PPP3R1: variants seen among roughly 807,000 people sequenced by gnomAD.
PPP3R1 encodes the protein protein phosphatase 3 regulatory subunit B, alpha, also known as calcineurin subunit B type 1.
PPP3R1 carries 5 observed loss-of-function variants against 22.6 expected under a neutral mutation model. The observed-to-expected ratio is 0.22, with a 90% confidence interval of 0.12 to 0.46. The LOEUF (loss-of-function observed/expected upper bound fraction) is 0.46. PPP3R1 is among the 20% of genes least tolerant of loss of function. The pLI, the probability that PPP3R1 is intolerant of heterozygous loss-of-function variation, is 0.99. For missense variants in PPP3R1, 61 were observed against 203.2 expected, an observed-to-expected ratio of 0.30 and a Z score of 4.25; for synonymous variants, 56 against 65.2, an observed-to-expected ratio of 0.86 and a Z score of 0.68.
intron 1 of PPP3R1, among the ~76,000 whole-genome samples, chr2:68,229,945 T>C (rs1448927400): frequency 6.8e-6 from 1 of 146,384 alleles, no homozygotes; most frequent in Non-Finnish European, 1.5e-5. Flanking sequence ...TATGTGTGTA[T>C]ATATGTGTGT....
intron 1 of PPP3R1, among the ~76,000 whole-genome samples, chr2:68,225,089 A>T (rs1669757067): frequency 1.3e-5 from 2 of 152,268 alleles, no homozygotes. Context: ...TGTGGTGAAC[A>T]GAATTCTTAG....
chr2:68,250,591 C>T (rs1670328663), intron 1 of PPP3R1, among the ~76,000 whole-genome samples: 1 of 152,194 alleles, frequency 6.6e-6, no homozygotes, highest in East Asian at 1.9e-4. Flanking sequence ...CTTCAAAAGA[C>T]TATGCCAACA....
rs11414850 is a variant in PPP3R1 at position 68,207,114 on chromosome 2, CA to C, written c.43+9977del. Among the ~76,000 whole-genome samples, 96 of 134,770 alleles carry C rather than the reference CA, an allele frequency of 7.1e-4. 1 individual carries two copies. The highest frequency in any genetic ancestry group is 1.4e-3 in the African/African-American group (49 of 34,736). The allele number at this position is 134,770 out of a possible 152,430, so 88.4% of individuals were successfully genotyped here. On this transcript the variant is annotated intron_variant, in intron 2 of 5. Transcript: ENST00000234310. The stretch of plus-strand genomic sequence containing the variant: ...AAAGAGGTTTTGGGAAAAAAAAAAG[CA>C]AAAAAAAAAAATTACTACAATGTGT...
intron 2 of PPP3R1, among the ~76,000 whole-genome samples, chr2:68,206,409 G>A (rs187335489): frequency 6.6e-6 from 1 of 152,142 alleles, no homozygotes; most frequent in African/African-American, 2.4e-5. Flanking sequence ...GCAGAGGTGA[G>A]GGGGGAGGCC....
At chr2:68,232,211 G>GTATTTA (rs1669925041) in intron 1 of PPP3R1, among the ~76,000 whole-genome samples, 4 of 10,994 alleles carry the variant, frequency 3.6e-4, no homozygotes, top group Non-Finnish European at 1.3e-4. Context: ...TATACATATT[G>GTATTTA]TATATGTATA....
At chr2:68,190,380 C>CGT (rs200150798) in intron 2 of PPP3R1, among the ~76,000 whole-genome samples, 2,467 of 151,540 alleles carry the variant, frequency 0.016, 70 homozygotes, top group African/African-American at 0.056. Flanking sequence ...GCCTGGCCAA[C>CGT]GTGGTGAAAC....
chr2:68,213,484 C>T (rs763990791), intron 2 of PPP3R1, among the ~76,000 whole-genome samples: 1 of 152,148 alleles, frequency 6.6e-6, no homozygotes, highest in Non-Finnish European at 1.5e-5. Flanking sequence ...CTTACATGGA[C>T]ACCGTTCATG....
intron 2 of PPP3R1, among the ~76,000 whole-genome samples, chr2:68,193,603 TCAAA>T (rs1444632675): frequency 6.6e-6 from 1 of 152,132 alleles, no homozygotes; most frequent in African/African-American, 2.4e-5. Context: ...ATTTTAGGTA[TCAAA>T]CAAAATGATT....
At chr2:68,251,566 G>A (rs1308038274) in intron 1 of PPP3R1, among the ~76,000 whole-genome samples, 1 of 152,230 alleles carries the variant, frequency 6.6e-6, no homozygotes, top group Non-Finnish European at 1.5e-5. Context: ...GCTCGCAGGA[G>A]AGGGGAAGTG....
chr2:68,209,033 T>C (rs1252970333), intron 2 of PPP3R1, among the ~76,000 whole-genome samples: 1 of 148,284 alleles, frequency 6.7e-6, no homozygotes, highest in Non-Finnish European at 1.5e-5. Context: ...TAACTGGTCA[T>C]AGGTATCACC....
intron 2 of PPP3R1, among the ~76,000 whole-genome samples, chr2:68,209,397 G>C (rs1453157713): frequency 2.2e-5 from 3 of 134,094 alleles, no homozygotes; most frequent in African/African-American, 8.3e-5. Context: ...AAAAACTGTG[G>C]AAGTTACAAA....
chr2:68,209,388 A>C (rs975982507), intron 2 of PPP3R1, among the ~76,000 whole-genome samples: 4 of 131,150 alleles, frequency 3.0e-5, no homozygotes, highest in Non-Finnish European at 6.6e-5. Context: ...AAAAAAAAAA[A>C]AAACTGTGGA....
chr2:68,215,828 G>C (rs1171851722), intron 2 of PPP3R1, among the ~76,000 whole-genome samples: 1 of 152,104 alleles, frequency 6.6e-6, no homozygotes, highest in Non-Finnish European at 1.5e-5. Context: ...GGTGGGGAAA[G>C]AGTAGAGTAG....
chr2:68,198,831 T>C (rs1674894571), intron 2 of PPP3R1, among the ~76,000 whole-genome samples: 2 of 152,230 alleles, frequency 1.3e-5, no homozygotes, highest in Non-Finnish European at 1.5e-5. Context: ...TCTTCATTTG[T>C]GTAGGTCTTT....
intron 2 of PPP3R1, among the ~76,000 whole-genome samples, chr2:68,205,052 A>G (rs944963398): frequency 6.6e-6 from 1 of 152,120 alleles, no homozygotes; most frequent in Non-Finnish European, 1.5e-5. Context: ...ATTTATTTAA[A>G]AAGCCCCAAC....
At chr2:68,186,250 G>T (rs1220900069) in intron 5 of PPP3R1, among the ~76,000 whole-genome samples, 1 of 152,160 alleles carries the variant, frequency 6.6e-6, no homozygotes, top group Non-Finnish European at 1.5e-5. Flanking sequence ...TAACCTAGTT[G>T]TAATTTGAGA....
chr2:68,251,250 G>T (rs1278886359), intron 1 of PPP3R1: 3 of 152,072 alleles, frequency 2.0e-5, no homozygotes, highest in East Asian at 1.9e-4. Flanking sequence ...CCCTAGCGTC[G>T]GTCTGAAACA....
chr2:68,214,923 A>C (rs1215662879), intron 2 of PPP3R1, among the ~76,000 whole-genome samples: 1 of 152,208 alleles, frequency 6.6e-6, no homozygotes, highest in Non-Finnish European at 1.5e-5. Flanking sequence ...AAAGAAAATG[A>C]GGTACATATA....
At chr2:68,244,947 T>C (rs999049990) in intron 1 of PPP3R1, among the ~76,000 whole-genome samples, 1 of 152,256 alleles carries the variant, frequency 6.6e-6, no homozygotes, top group African/African-American at 2.4e-5. Context: ...TGCAATCTTA[T>C]GTTTGTCACC....
Sources: allele counts gnomAD v4.1 joint callset (sites outside exome capture counted in the v4.1 genomes callset), GRCh38; gene constraint gnomAD v4.1.1; transcripts MANE v1.5; gene names NCBI Gene and HGNC (gene_info 2026-07-23, HGNC 2026-07-21).